OPCML: variants seen among roughly 807,000 people sequenced by gnomAD.
The protein encoded by OPCML is opioid binding protein/cell adhesion molecule like.
Under a neutral mutation model 37.8 loss-of-function variants are expected in OPCML, and 13 were observed. That is an observed-to-expected ratio of 0.34 (90% CI 0.22 to 0.55). The LOEUF is 0.55. OPCML is among the 20% of genes least tolerant of loss of function. The pLI is 0.91. For missense variants in OPCML, 341 were observed against 435.6 expected (o/e 0.78, Z 1.93); for synonymous variants, 176 against 168.8 (o/e 1.04, Z -0.33).
chr11:132,663,740 G>A (rs1942086207), intron 2 of OPCML, among the ~76,000 whole-genome samples: 2 of 152,248 alleles, frequency 1.3e-5, no homozygotes, highest in Admixed American at 6.5e-5. Context: ...ATCACAGGAT[G>A]AGCGTGGAAC....
At chr11:133,429,935 C>A (rs1946082798) in intron 1 of OPCML, among the ~76,000 whole-genome samples, 1 of 152,142 alleles carries the variant, frequency 6.6e-6, no homozygotes, top group South Asian at 2.1e-4. Flanking sequence ...TCATAATATA[C>A]AGATTTTATC....
chr11:133,294,895 C>A (rs1249292428), intron 1 of OPCML, among the ~76,000 whole-genome samples: 1 of 142,348 alleles, frequency 7.0e-6, no homozygotes, highest in Non-Finnish European at 1.5e-5. Flanking sequence ...GCAGTCTCGG[C>A]CCACTGCAAC....
chr11:132,823,412 C>T (rs1408082047), intron 2 of OPCML, among the ~76,000 whole-genome samples: 1 of 152,170 alleles, frequency 6.6e-6, no homozygotes, highest in East Asian at 1.9e-4. Flanking sequence ...CTCTCAACCA[C>T]TATTGGTGGC....
intron 4 of OPCML, among the ~76,000 whole-genome samples, chr11:132,456,575 A>G (rs1311954279): frequency 6.6e-6 from 1 of 152,160 alleles, no homozygotes; most frequent in Non-Finnish European, 1.5e-5. Flanking sequence ...CCCATAATCC[A>G]CAAATGATAA....
intron 1 of OPCML, among the ~76,000 whole-genome samples, chr11:133,336,974 G>C (rs898492988): frequency 3.9e-5 from 6 of 152,210 alleles, no homozygotes; most frequent in African/African-American, 1.4e-4. Context: ...AATTTTGAAG[G>C]CTGTTAAATT....
chr11:133,036,120 C>A (rs1289557860), intron 1 of OPCML, among the ~76,000 whole-genome samples: 2 of 152,144 alleles, frequency 1.3e-5, no homozygotes, highest in East Asian at 3.9e-4. Context: ...TTAAAGTCTA[C>A]TTAAAATGTC....
intron 1 of OPCML, among the ~76,000 whole-genome samples, chr11:133,277,010 C>T (rs1027973956): frequency 6.6e-6 from 1 of 152,086 alleles, no homozygotes; most frequent in Admixed American, 6.6e-5. Flanking sequence ...TCAAATGTAT[C>T]GACTCTTTTA....
chr11:132,538,655 A>C (rs2096347243), intron 3 of OPCML, among the ~76,000 whole-genome samples: 1 of 152,204 alleles, frequency 6.6e-6, no homozygotes, highest in East Asian at 1.9e-4. Flanking sequence ...ACACCCCAAC[A>C]CATGTGACTT....
At chr11:133,029,290 C>T (rs199853074) in intron 1 of OPCML, among the ~76,000 whole-genome samples, 1 of 152,294 alleles carries the variant, frequency 6.6e-6, no homozygotes, top group East Asian at 1.9e-4. Flanking sequence ...ATTAGTTAAG[C>T]CCCTGTGTAA....
intron 1 of OPCML, among the ~76,000 whole-genome samples, chr11:132,954,529 A>G (rs890899543): frequency 2.0e-5 from 3 of 152,196 alleles, no homozygotes; most frequent in African/African-American, 7.2e-5. Context: ...CAGCGTTGCC[A>G]GTCCCAGAGA....
Position 133,158,044 on chromosome 11 carries a change from G to T in OPCML, c.62-215034C>A, listed in dbSNP as rs190275329. Among the ~76,000 whole-genome samples, 12 of 152,302 alleles carry T rather than the reference G, an allele frequency of 7.9e-5. No individual in the cohort carries two copies. The East Asian group carries it at 2.1e-3, about 27-fold the overall frequency. On this transcript the variant is annotated intron_variant, in intron 1 of 7. Transcript: ENST00000524381. ...GGGGAAAGGAGAAACAAACATTTCA[G>T]CTTTGTCTTCAATGTGCATTTGGAA... is the stretch of plus-strand genomic sequence containing the variant.
At chr11:133,183,731 G>A (rs1238731554) in intron 1 of OPCML, among the ~76,000 whole-genome samples, 1 of 152,138 alleles carries the variant, frequency 6.6e-6, no homozygotes, top group African/African-American at 2.4e-5. Flanking sequence ...GGAGATTCTA[G>A]ACAAACATTC....
Position 133,274,835 on chromosome 11 carries a change from T to C in OPCML, c.61+257429A>G, listed in dbSNP as rs141612164. 2.6e-3 allele frequency among the ~76,000 whole-genome samples: 395 copies of C among 152,314 alleles called. 1 individual carries two copies. The highest frequency in any genetic ancestry group is 8.9e-3 in the African/African-American group (371 of 41,566). On this transcript the variant is annotated intron_variant, in intron 1 of 7. Transcript: ENST00000524381. ...CCCTTGGAATTTCTCCTTCAAATGC[T>C]GTAGAAGACAAAGAGACAGAGAGAT...
chr11:133,164,048 A>G (rs563370986), intron 1 of OPCML, among the ~76,000 whole-genome samples: 9 of 152,324 alleles, frequency 5.9e-5, no homozygotes, highest in African/African-American at 1.4e-4. Context: ...CATTCTGCCT[A>G]TTTCACAAAG....
chr11:132,653,626 A>G (rs1464622452), intron 3 of OPCML, among the ~76,000 whole-genome samples: 2 of 152,216 alleles, frequency 1.3e-5, no homozygotes, highest in South Asian at 2.1e-4. Context: ...TCTGTTCTCA[A>G]TGAGAAGGAT....
intron 2 of OPCML, among the ~76,000 whole-genome samples, chr11:132,676,789 G>GAAAAAAAAAAAA (rs1196087295): frequency 3.2e-5 from 3 of 93,792 alleles, no homozygotes; most frequent in Admixed American, 1.1e-4. Context: ...AAACAAACAA[G>GAAAAAAAAAAAA]AAAAAAAAAA....
chr11:132,580,840 G>A (rs181318945), intron 3 of OPCML, among the ~76,000 whole-genome samples: 2 of 152,176 alleles, frequency 1.3e-5, no homozygotes, highest in African/African-American at 4.8e-5. Flanking sequence ...GCACTGGTCT[G>A]CAGAAGAATT....
At position 132,420,250 on chromosome 11, in the gene OPCML, T is replaced by C. The variant is rs1169649606; in HGVS notation, c.960A>G (p.Ala320=). Residue 320 remains alanine (A), a synonymous_variant, in exon 8 of 8, where the codon GCA becomes GCG. Transcript: ENST00000524381. ...TCCCTGATAGCCAGAGACAAGCCAG[T>C]GCTCTGGAGGCCGAGTTTACACCAT... ...VIDGVNSASR[A]LACLWLSGTL... The C allele has an allele frequency of 1.2e-6, 2 of 1,613,722 alleles. No homozygotes were observed. The highest frequency in any genetic ancestry group is 8.5e-7 in the Non-Finnish European group (1 of 1,179,836).
At chr11:132,579,203 G>A (rs1002421323) in intron 3 of OPCML, among the ~76,000 whole-genome samples, 11 of 152,150 alleles carry the variant, frequency 7.2e-5, no homozygotes, top group Middle Eastern at 3.4e-3. Flanking sequence ...TATCTACATC[G>A]CTCACTTCCT....
Sources: gnomAD v4.1 joint callset for allele counts (sites outside exome capture counted in the v4.1 genomes callset) on GRCh38, gnomAD v4.1.1 for gene constraint, MANE v1.5 for transcripts, NCBI Gene and HGNC (gene_info 2026-07-23, HGNC 2026-07-21) for gene names.